Variants in SLC24A2 observed in about 807,000 individuals in gnomAD.
SLC24A2 encodes solute carrier family 24 member 2.
SLC24A2 carries 36 observed loss-of-function variants against 62.0 expected under a neutral mutation model. The observed-to-expected ratio is 0.58, with a 90% CI of 0.44 to 0.77. The LOEUF is 0.77. SLC24A2 is among the 30% of genes least tolerant of loss of function. SLC24A2 has a pLI of 0.00. For missense variants in SLC24A2, 846 were observed against 817.9 expected (o/e 1.03, Z -0.42); for synonymous variants, 358 against 294.0 (o/e 1.22, Z -2.23).
At chr9:20,212,470 G>T in the SLC24A2 span, among the ~76,000 whole-genome samples, 1 of 151,676 alleles carries the variant, frequency 6.6e-6, no homozygotes, top group Non-Finnish European at 1.5e-5. Flanking sequence ...GGCCAACATG[G>T]TAAAACCCCA....
At chr9:19,639,739 C>T (rs1221743665) in intron 2 of SLC24A2, among the ~76,000 whole-genome samples, 2 of 152,312 alleles carry the variant, frequency 1.3e-5, no homozygotes, top group African/African-American at 4.8e-5. Flanking sequence ...CTGAGACAGA[C>T]ACATCTCCTC....
the SLC24A2 span, among the ~76,000 whole-genome samples, chr9:20,192,998 A>AT: frequency 6.6e-6 from 1 of 152,290 alleles, no homozygotes; most frequent in Non-Finnish European, 1.5e-5. Flanking sequence ...AGCACACAGT[A>AT]TAGTGCTTTT....
the SLC24A2 span, among the ~76,000 whole-genome samples, chr9:19,796,686 C>A: frequency 3.3e-5 from 5 of 152,280 alleles, no homozygotes; most frequent in African/African-American, 9.6e-5. Context: ...TAAGGCAATC[C>A]TTTCTTCACT....
At chr9:20,226,107 G>C in the SLC24A2 span, among the ~76,000 whole-genome samples, 1 of 152,100 alleles carries the variant, frequency 6.6e-6, no homozygotes, top group Non-Finnish European at 1.5e-5. Flanking sequence ...AGTTCCAGCA[G>C]CCAATTATAT....
chr9:19,664,388 T>C (rs1819189030), intron 2 of SLC24A2, among the ~76,000 whole-genome samples: 1 of 152,228 alleles, frequency 6.6e-6, no homozygotes, highest in Non-Finnish European at 1.5e-5. Context: ...CAGCATGGTA[T>C]CTGTGAGGCA....
chr9:19,734,691 T>C (rs1821450204), intron 2 of SLC24A2, among the ~76,000 whole-genome samples: 1 of 152,200 alleles, frequency 6.6e-6, no homozygotes, highest in Admixed American at 6.5e-5. Context: ...TTGTCTGTTA[T>C]TGGTGTATAA....
chr9:20,181,073 A>G, the SLC24A2 span, among the ~76,000 whole-genome samples: 55 of 152,194 alleles, frequency 3.6e-4, no homozygotes, highest in Middle Eastern at 3.4e-3. Context: ...ATGCAGAAAA[A>G]TTCTTGGCAT....
intron 2 of SLC24A2, among the ~76,000 whole-genome samples, chr9:19,656,670 C>G (rs1467470478): frequency 6.6e-6 from 1 of 152,182 alleles, no homozygotes; most frequent in Non-Finnish European, 1.5e-5. Flanking sequence ...GTTCTTTGTT[C>G]TTATCTCTCT....
At chr9:19,694,611 G>A (rs1040207328) in intron 2 of SLC24A2, among the ~76,000 whole-genome samples, 4 of 152,068 alleles carry the variant, frequency 2.6e-5, no homozygotes, top group South Asian at 2.1e-4. Context: ...ATTCATATAC[G>A]GAGAAATGCA....
chr9:20,082,256 G>A, the SLC24A2 span, among the ~76,000 whole-genome samples: 1 of 152,082 alleles, frequency 6.6e-6, no homozygotes, highest in Admixed American at 6.6e-5. Flanking sequence ...ATTTTTTTGG[G>A]ATAACTCACC....
the SLC24A2 span, among the ~76,000 whole-genome samples, chr9:20,026,109 G>A: frequency 1.3e-5 from 2 of 152,086 alleles, no homozygotes; most frequent in African/African-American, 4.8e-5. Flanking sequence ...CAATAGGATG[G>A]GGATTCTTTA....
chr9:20,077,060 A>C, the SLC24A2 span, among the ~76,000 whole-genome samples: 2 of 151,912 alleles, frequency 1.3e-5, no homozygotes, highest in African/African-American at 4.8e-5. Flanking sequence ...AAAAAATTGC[A>C]TGATCTCACT....
At chr9:20,114,573 G>A in the SLC24A2 span, among the ~76,000 whole-genome samples, 2 of 152,188 alleles carry the variant, frequency 1.3e-5, no homozygotes, top group African/African-American at 4.8e-5. Flanking sequence ...ATATTTGGAA[G>A]AAGAGAAGCC....
intron 2 of SLC24A2, among the ~76,000 whole-genome samples, chr9:19,652,323 T>C (rs1458490991): frequency 6.6e-6 from 1 of 152,138 alleles, no homozygotes; most frequent in Non-Finnish European, 1.5e-5. Context: ...AACCTGTGAA[T>C]ATGTTTGTTT....
At chr9:19,667,181 A>C (rs1307491431) in intron 2 of SLC24A2, among the ~76,000 whole-genome samples, 1 of 152,210 alleles carries the variant, frequency 6.6e-6, no homozygotes, top group Non-Finnish European at 1.5e-5. Context: ...CGAAAGAAAG[A>C]AGTTGCTAAA....
chr9:19,902,204 G>C, the SLC24A2 span, among the ~76,000 whole-genome samples: 2 of 152,190 alleles, frequency 1.3e-5, no homozygotes, highest in Admixed American at 6.5e-5. Flanking sequence ...CTCACCTCCT[G>C]TCCTGTCATG....
At chr9:19,834,725 C>A in the SLC24A2 span, among the ~76,000 whole-genome samples, 2 of 151,898 alleles carry the variant, frequency 1.3e-5, no homozygotes, top group African/African-American at 4.8e-5. Flanking sequence ...ATACAGAGAA[C>A]GCCACAAAGA....
chr9:19,509,542 A>C lies in SLC24A2; in HGVS notation c.*6611T>G, dbSNP rs1832635027. The C allele has an allele frequency of 6.6e-6, 1 of 152,210 alleles. No individual in the cohort carries two copies. The highest frequency in any genetic ancestry group is 1.5e-5 in the Non-Finnish European group (1 of 68,030). 9.4% of individuals were successfully genotyped at this position (152,210 alleles called of 1,614,324 possible). A position where few individuals can be genotyped will look rare whatever the true frequency, so the allele number is the denominator to read the frequency against. On this transcript the variant is annotated 3_prime_UTR_variant, in exon 11 of 11. Coordinates refer to ENST00000341998, the MANE Select transcript of SLC24A2 (RefSeq NM_020344.4). ...AGTTGTCTCTTATGAAGTACTATAA[A>C]GTGCAATATTAAAAAATTAAAAAAC...
the SLC24A2 span, among the ~76,000 whole-genome samples, chr9:20,108,114 GC>G: frequency 6.6e-6 from 1 of 152,162 alleles, no homozygotes; most frequent in South Asian, 2.1e-4. Flanking sequence ...ACCATCGCTG[GC>G]CATCAGAGAA....
Sources: allele counts gnomAD v4.1 joint callset (sites outside exome capture counted in the v4.1 genomes callset), GRCh38; gene constraint gnomAD v4.1.1; transcripts MANE v1.5; gene names NCBI Gene and HGNC (gene_info 2026-07-23, HGNC 2026-07-21).